The following NHERF1 variants were observed in gnomAD, a reference collection of about 807,000 sequenced individuals.
NHERF1 encodes Na(+)/H(+) exchange regulatory cofactor NHE-RF1.
the NHERF1 span, among the ~76,000 whole-genome samples, chr17:74,761,612 G>A: frequency 6.6e-6 from 1 of 152,156 alleles, no homozygotes; most frequent in South Asian, 2.1e-4. This position sits in a 1 kb window ranked among gnomAD's most constrained non-coding sequence, Gnocchi z 4.3. Flanking sequence ...GCTGACGGGT[G>A]CCACACTCTG....
the NHERF1 span, among the ~76,000 whole-genome samples, chr17:74,758,345 G>C: frequency 6.6e-6 from 1 of 152,188 alleles, no homozygotes; most frequent in Admixed American, 6.5e-5. This position sits in a 1 kb window ranked among gnomAD's most constrained non-coding sequence, Gnocchi z 4.3. Context: ...AGGAGGCCCC[G>C]GGAGAAGGGT....
the NHERF1 span, chr17:74,768,434 A>C: frequency 1.2e-6 from 2 of 1,605,336 alleles, no homozygotes; most frequent in Middle Eastern, 3.4e-4. Flanking sequence ...TGAGGGACTG[A>C]CTCCCAACTT....
chr17:74,756,436 A>C, the NHERF1 span, among the ~76,000 whole-genome samples: 3,142 of 150,874 alleles, frequency 0.021, 112 homozygotes, highest in African/African-American at 0.072. Flanking sequence ...GCACCACCAC[A>C]TATGTCTAAT....
chr17:74,749,005 G>C, the NHERF1 span: 3 of 1,608,956 alleles, frequency 1.9e-6, no homozygotes, highest in Admixed American at 5.0e-5. The surrounding 1 kb of genome is among the most constrained non-coding windows in gnomAD (Gnocchi z 5.6). Context: ...AGGCGGGGCT[G>C]CTGGCGGGGG....
the NHERF1 span, chr17:74,748,728 C>T: frequency 2.2e-6 from 2 of 911,868 alleles, no homozygotes; most frequent in Non-Finnish European, 3.2e-6. The surrounding 1 kb of genome is among the most constrained non-coding windows in gnomAD (Gnocchi z 4.3). Context: ...TTGGCCCGTC[C>T]GGCGGCTCAG....
At chr17:74,750,859 G>A in the NHERF1 span, among the ~76,000 whole-genome samples, 529 of 151,138 alleles carry the variant, frequency 3.5e-3, 3 homozygotes, top group Non-Finnish European at 5.1e-3. Context: ...CCTGGGAGGC[G>A]AACGTGGAGG....
At chr17:74,756,256 C>CTTT in the NHERF1 span, among the ~76,000 whole-genome samples, 1 of 125,586 alleles carries the variant, frequency 8.0e-6, no homozygotes, top group African/African-American at 2.9e-5. Context: ...GCCTATTTTT[C>CTTT]TTTTCTTTCT....
At chr17:74,750,711 G>A in the NHERF1 span, among the ~76,000 whole-genome samples, 5,658 of 151,140 alleles carry the variant, frequency 0.037, 198 homozygotes, top group Admixed American at 0.11. Flanking sequence ...TCCATCGATC[G>A]ATTTGACATT....
chr17:74,768,674 A>G, the NHERF1 span: 1 of 1,609,080 alleles, frequency 6.2e-7, no homozygotes, highest in Non-Finnish European at 8.5e-7. Context: ...GCTGCCACCC[A>G]GTGACTGGCA....
At chr17:74,758,974 A>G in the NHERF1 span, among the ~76,000 whole-genome samples, 1 of 152,152 alleles carries the variant, frequency 6.6e-6, no homozygotes, top group Non-Finnish European at 1.5e-5. The surrounding 1 kb of genome is among the most constrained non-coding windows in gnomAD (Gnocchi z 4.3). Context: ...GGGCTGACTC[A>G]GCAACTGGCA....
the NHERF1 span, chr17:74,749,219 G>A: frequency 6.6e-7 from 1 of 1,525,308 alleles, no homozygotes; most frequent in African/African-American, 1.4e-5. The surrounding 1 kb of genome is among the most constrained non-coding windows in gnomAD (Gnocchi z 5.6). Flanking sequence ...GCCGCCGGCC[G>A]CCGCCGAGGT....
the NHERF1 span, chr17:74,763,612 G>GGGGTGGGCAGCTTCCCGGCAT: frequency 7.4e-7 from 1 of 1,344,976 alleles, no homozygotes; most frequent in Non-Finnish European, 1.0e-6. Flanking sequence ...TCCCAGGCGA[G>GGGGTGGGCAGCTTCCCGGCAT]GGGTGGGCAG....
chr17:74,763,474 G>A, the NHERF1 span: 3 of 1,611,768 alleles, frequency 1.9e-6, no homozygotes, highest in Non-Finnish European at 2.5e-6. Context: ...AAACTGACGA[G>A]TTCTTCAAGA....
the NHERF1 span, chr17:74,768,695 A>G: frequency 1.3e-6 from 2 of 1,589,066 alleles, no homozygotes; most frequent in African/African-American, 1.3e-5. Flanking sequence ...GGGCCGAGCC[A>G]GCATTCCACC....
chr17:74,751,458 T>C, the NHERF1 span, among the ~76,000 whole-genome samples: 1 of 152,242 alleles, frequency 6.6e-6, no homozygotes, highest in Non-Finnish European at 1.5e-5. The surrounding 1 kb of genome is among the most constrained non-coding windows in gnomAD (Gnocchi z 4.3). Flanking sequence ...ACTTACTAAG[T>C]GATGATATCA....
the NHERF1 span, among the ~76,000 whole-genome samples, chr17:74,752,191 T>C: frequency 6.6e-6 from 1 of 152,090 alleles, no homozygotes; most frequent in African/African-American, 2.4e-5. Context: ...TCCCAGCACT[T>C]TGGGAGGCCA....
At chr17:74,767,492 G>A in the NHERF1 span, among the ~76,000 whole-genome samples, 1 of 152,200 alleles carries the variant, frequency 6.6e-6, no homozygotes, top group East Asian at 1.9e-4. Flanking sequence ...CCTTCGCTCT[G>A]GGACAGGCCG....
At chr17:74,768,706 CCA>C in the NHERF1 span, 8 of 1,537,374 alleles carry the variant, frequency 5.2e-6, 1 homozygote, top group South Asian at 7.8e-5. Context: ...GCATTCCACC[CCA>C]CCTTTTTCCT....
the NHERF1 span, among the ~76,000 whole-genome samples, chr17:74,764,309 T>C: frequency 6.6e-6 from 1 of 152,316 alleles, no homozygotes; most frequent in East Asian, 1.9e-4. This position sits in a 1 kb window ranked among gnomAD's most constrained non-coding sequence, Gnocchi z 4.9. Flanking sequence ...ACAAAGGTCC[T>C]GCGACTCCCA....
Sources: gnomAD v4.1 joint callset for allele counts (sites outside exome capture counted in the v4.1 genomes callset) on GRCh38, gnomAD v4.1.1 for gene constraint, Gnocchi (gnomAD v3.1) non-coding constraint, MANE v1.5 for transcripts, NCBI Gene and HGNC (gene_info 2026-07-23, HGNC 2026-07-21) for gene names.